Variants in NELL1 observed in about 807,000 individuals in gnomAD.
NELL1 encodes the protein protein kinase C-binding protein NELL1.
Under a neutral mutation model 107.4 loss-of-function variants are expected in NELL1, and 76 were observed. The observed-to-expected ratio is 0.71, with a 90% CI of 0.59 to 0.86. NELL1 has a LOEUF of 0.86. Ranked by LOEUF, NELL1 falls within the 40% of genes least tolerant of loss-of-function variation. The pLI is 0.00. For synonymous variants in NELL1, 353 were observed against 341.2 expected (o/e 1.03, Z -0.38); for missense variants, 1,024 against 1,005.5 (o/e 1.02, Z -0.25).
At chr11:21,335,723 A>G (rs1213048905) in intron 14 of NELL1, among the ~76,000 whole-genome samples, 4 of 152,054 alleles carry the variant, frequency 2.6e-5, no homozygotes, top group Admixed American at 1.3e-4. Flanking sequence ...ATTTGTACAC[A>G]ACATTCAGTT....
At position 21,169,852 on chromosome 11, in the gene NELL1, C is replaced by T. The variant is rs1856564935; in HGVS notation, c.1426+56138C>T. On this transcript the variant is annotated intron_variant, in intron 13 of 19. Coordinates refer to ENST00000357134, the MANE Select transcript of NELL1 (RefSeq NM_006157.5). Reference sequence around the variant, plus strand: ...ATGCAAGTGCTTGCACCCCAGAGTCCCCCCAGGAAGAGTTGCCATGTCACC... The same window carrying T: ...ATGCAAGTGCTTGCACCCCAGAGTCTCCCCAGGAAGAGTTGCCATGTCACC... 2.1e-6 allele frequency: 3 copies of T among 1,416,492 alleles called. No individual in the cohort carries two copies. The Admixed American group carries it at 5.1e-5, about 24-fold the overall frequency. 87.7% of individuals were successfully genotyped at this position (1,416,492 alleles called of 1,614,324 possible). A position where few individuals can be genotyped will look rare whatever the true frequency, so the allele number is the denominator to read the frequency against.
At chr11:21,250,376 G>A (rs1175659256) in intron 14 of NELL1, among the ~76,000 whole-genome samples, 2 of 152,072 alleles carry the variant, frequency 1.3e-5, no homozygotes, top group Non-Finnish European at 2.9e-5. Context: ...TTTCAGTTTA[G>A]GGCTATGACA....
chr11:21,181,359 G>T (rs1005707202), intron 13 of NELL1, among the ~76,000 whole-genome samples: 2 of 151,706 alleles, frequency 1.3e-5, no homozygotes, highest in Admixed American at 6.6e-5. Flanking sequence ...AGTGATACTA[G>T]GCAAGTGGAT....
intron 15 of NELL1, among the ~76,000 whole-genome samples, chr11:21,393,605 C>T (rs1463639764): frequency 6.6e-6 from 1 of 151,602 alleles, no homozygotes; most frequent in Non-Finnish European, 1.5e-5. Context: ...ATTTAGTGAC[C>T]TGCATTTGGC....
intron 13 of NELL1, among the ~76,000 whole-genome samples, chr11:21,211,270 A>C (rs1020822114): frequency 1.3e-5 from 2 of 152,118 alleles, no homozygotes; most frequent in Non-Finnish European, 2.9e-5. Context: ...GGATAAGCGG[A>C]TATTACGTAG....
chr11:21,335,077 A>AG (rs755485959), intron 14 of NELL1, among the ~76,000 whole-genome samples: 37 of 152,170 alleles, frequency 2.4e-4, no homozygotes, highest in Non-Finnish European at 4.7e-4. Flanking sequence ...AATTCAATTA[A>AG]GGAAAAAAAG....
Position 20,960,515 on chromosome 11 carries a change from A to C in NELL1, c.1255A>C (p.Lys419Gln), listed in dbSNP as rs140408719. The C allele has an allele frequency of 6.2e-7, 1 of 1,613,984 alleles. No individual in the cohort carries two copies. Among genetic ancestry groups the C allele is most frequent in the South Asian group, 1.1e-5 (1 of 91,066 alleles). Residue 419 changes from lysine to glutamine, a missense_variant, in exon 12 of 20, where the codon AAG becomes CAG. Transcript: ENST00000357134. ...GAATACAAAAGCTACTTGTGAGTGC[A>C]AGAGTGGTTACATCTCTGTCCAGGG... ...NWNTKATCEC[K>Q]SGYISVQGDS...
chr11:21,465,226 A>G (rs1853998125), intron 15 of NELL1, among the ~76,000 whole-genome samples: 1 of 152,110 alleles, frequency 6.6e-6, no homozygotes, highest in Non-Finnish European at 1.5e-5. Flanking sequence ...CTCTCCTTTT[A>G]TCTATTTCAG....
At chr11:21,497,861 A>T (rs1178376307) in intron 15 of NELL1, among the ~76,000 whole-genome samples, 3 of 151,878 alleles carry the variant, frequency 2.0e-5, no homozygotes. Context: ...ACAAGTTTAT[A>T]CCTGTGATAT....
intron 12 of NELL1, among the ~76,000 whole-genome samples, chr11:21,099,870 C>A (rs972953773): frequency 6.6e-6 from 1 of 152,070 alleles, no homozygotes; most frequent in Non-Finnish European, 1.5e-5. Flanking sequence ...GATTGGTACC[C>A]TTTTTATTTT....
At chr11:21,321,804 A>G (rs1302915402) in intron 14 of NELL1, among the ~76,000 whole-genome samples, 2 of 152,248 alleles carry the variant, frequency 1.3e-5, no homozygotes, top group Non-Finnish European at 1.5e-5. Flanking sequence ...ACAGTCCCAC[A>G]CATGGTGTAA....
chr11:21,098,469 A>G (rs1429572586), intron 12 of NELL1, among the ~76,000 whole-genome samples: 1 of 152,188 alleles, frequency 6.6e-6, no homozygotes, highest in African/African-American at 2.4e-5. Flanking sequence ...GAGCAGGTGA[A>G]TATCTAAGGG....
At chr11:21,502,548 TTTCAACTTTA>T (rs1268297653) in intron 15 of NELL1, among the ~76,000 whole-genome samples, 2 of 152,208 alleles carry the variant, frequency 1.3e-5, no homozygotes, top group African/African-American at 2.4e-5. Flanking sequence ...TCAGAATCTT[TTTCAACTTTA>T]TTCAACTTTA....
intron 14 of NELL1, among the ~76,000 whole-genome samples, chr11:21,325,201 C>A (rs188266200): frequency 6.6e-6 from 1 of 152,150 alleles, no homozygotes; most frequent in East Asian, 1.9e-4. Flanking sequence ...CTACTTTAAT[C>A]TCTCTTATAT....
At chr11:20,710,816 G>A (rs113773685) in intron 2 of NELL1, among the ~76,000 whole-genome samples, 109 of 151,936 alleles carry the variant, frequency 7.2e-4, no homozygotes, top group South Asian at 2.5e-3. Context: ...TGTGAGCAAA[G>A]GTGTTCACAG....
chr11:21,303,595 C>A (rs771317420), intron 14 of NELL1, among the ~76,000 whole-genome samples: 1 of 151,972 alleles, frequency 6.6e-6, no homozygotes, highest in Non-Finnish European at 1.5e-5. Flanking sequence ...TAGAAAACAG[C>A]GTGGAGATTT....
At chr11:21,091,850 C>G (rs61880815) in intron 12 of NELL1, among the ~76,000 whole-genome samples, 408 of 152,292 alleles carry the variant, frequency 2.7e-3, no homozygotes, top group Non-Finnish European at 4.2e-3. Context: ...TTCATAAAAA[C>G]TGAGAAGGGA....
chr11:20,975,805 A>G (rs1189427582), intron 12 of NELL1, among the ~76,000 whole-genome samples: 8 of 126,000 alleles, frequency 6.3e-5, no homozygotes, highest in African/African-American at 1.9e-4. Flanking sequence ...ATTATATGAT[A>G]TACATATTAT....
At chr11:21,225,270 A>C (rs1407863584) in intron 13 of NELL1, among the ~76,000 whole-genome samples, 1 of 152,132 alleles carries the variant, frequency 6.6e-6, no homozygotes. Flanking sequence ...CAAAGGACTC[A>C]GTGTGTTTTC....
Sources: gnomAD v4.1 joint callset for allele counts (sites outside exome capture counted in the v4.1 genomes callset) on GRCh38, gnomAD v4.1.1 for gene constraint, MANE v1.5 for transcripts, NCBI Gene and HGNC (gene_info 2026-07-23, HGNC 2026-07-21) for gene names.